XRRA1: variants seen among roughly 807,000 people sequenced by gnomAD.
XRRA1 encodes the protein X-ray radiation resistance-associated protein 1.
In XRRA1, 69 loss-of-function variants were observed where a neutral mutation model predicts 80.2. The observed-to-expected ratio is 0.86, with a 90% CI of 0.71 to 1.05. The LOEUF (loss-of-function observed/expected upper bound fraction) is 1.05. Among genes scored for constraint, XRRA1 ranks in the 50% least tolerant of loss-of-function variants. The pLI is 0.00. For synonymous variants in XRRA1, 348 were observed against 389.9 expected (o/e 0.89, Z 1.27); for missense variants, 967 against 976.4 (o/e 0.99, Z 0.13).
At chr11:74,899,607 T>C (rs1407184507) in intron 10 of XRRA1, among the ~76,000 whole-genome samples, 1 of 152,148 alleles carries the variant, frequency 6.6e-6, no homozygotes, top group African/African-American at 2.4e-5. Flanking sequence ...CAGAGGATCA[T>C]AAGTGGCTAC....
At chr11:74,893,334 C>G (rs2051294134) in intron 10 of XRRA1, among the ~76,000 whole-genome samples, 2 of 145,566 alleles carry the variant, frequency 1.4e-5, no homozygotes. Context: ...CATGTTCTCA[C>G]TCATAGGTGG....
At chr11:74,885,053 C>G (rs2048692409) in intron 10 of XRRA1, among the ~76,000 whole-genome samples, 1 of 152,000 alleles carries the variant, frequency 6.6e-6, no homozygotes, top group Non-Finnish European at 1.5e-5. Flanking sequence ...TTCTTGAGCT[C>G]AGGAGTTTGA....
intron 1 of XRRA1, among the ~76,000 whole-genome samples, chr11:74,948,568 T>C (rs78502001): frequency 6.6e-6 from 1 of 152,170 alleles, no homozygotes. Flanking sequence ...TATATTGGTT[T>C]TGATTTTTTT....
In XRRA1 at chr11:74,846,908, G is replaced by GA. The variant is rs976744311; in HGVS notation, c.1728+1206dup. Among the ~76,000 whole-genome samples the GA allele has an allele frequency of 2.8e-4, 41 of 145,424 alleles. 1 individual carries two copies. In the South Asian group the frequency reaches 8.0e-3, roughly 28 times the overall value. ...GGTTATAGCCAGGACAATTAGGCCA[G>GA]AAAAAAAAAGATTTTTTTTTTTTTT... is the stretch of plus-strand genomic sequence containing the variant. On this transcript the variant is annotated intron_variant, in intron 15 of 18. Transcript: ENST00000684022.
intron 4 of XRRA1, among the ~76,000 whole-genome samples, 169 bp downstream of exon 4, chr11:74,936,715 A>T (rs1565446136): frequency 6.6e-6 from 1 of 152,228 alleles, no homozygotes; most frequent in African/African-American, 2.4e-5. Flanking sequence ...TTTACATGTC[A>T]AGAAACTTTT....
intron 17 of XRRA1, 56 bp downstream of exon 17, chr11:74,844,112 G>C: frequency 6.5e-7 from 1 of 1,535,910 alleles, no homozygotes; most frequent in Non-Finnish European, 9.0e-7. Context: ...AGCCACATCT[G>C]TAATTGTGGG....
At chr11:74,909,556 G>C (rs11236267) in intron 8 of XRRA1, among the ~76,000 whole-genome samples, 1,764 of 152,238 alleles carry the variant, frequency 0.012, 48 homozygotes, top group African/African-American at 0.04. Flanking sequence ...GCATGGGAAA[G>C]TTTCATTTTT....
chr11:74,935,237 T>C (rs949919788), intron 4 of XRRA1, among the ~76,000 whole-genome samples: 2 of 152,216 alleles, frequency 1.3e-5, no homozygotes, highest in African/African-American at 4.8e-5. Flanking sequence ...ATATTCTGTA[T>C]GTGATGACCA....
intron 14 of XRRA1, among the ~76,000 whole-genome samples, 166 bp from the exon 15 acceptor site, chr11:74,848,628 T>C (rs188465271): frequency 1.2e-3 from 185 of 152,302 alleles, no homozygotes; most frequent in African/African-American, 4.4e-3. Context: ...ATGTGCCCCA[T>C]GCATGATGTA....
chr11:74,874,313 C>T (rs534263620), intron 10 of XRRA1, among the ~76,000 whole-genome samples: 1 of 148,598 alleles, frequency 6.7e-6, no homozygotes, highest in South Asian at 2.1e-4. Flanking sequence ...GAACCTGAAG[C>T]TCAAAAGGCC....
At chr11:74,933,689 C>A in intron 5 of XRRA1, 112 bp downstream of exon 5, 2 of 895,268 alleles carry the variant, frequency 2.2e-6, no homozygotes, top group South Asian at 3.2e-5. Flanking sequence ...TTCTTCGTGA[C>A]CAGATTTCCA....
At chr11:74,846,980 A>G (rs995101688) in intron 15 of XRRA1, among the ~76,000 whole-genome samples, 1 of 151,288 alleles carries the variant, frequency 6.6e-6, no homozygotes, top group Non-Finnish European at 1.5e-5. Flanking sequence ...TTTGGCCGCT[A>G]GGAGCTCAGA....
At chr11:74,867,372 TAAGA>T (rs1477841135) in intron 10 of XRRA1, among the ~76,000 whole-genome samples, 2 of 152,112 alleles carry the variant, frequency 1.3e-5, no homozygotes, top group Non-Finnish European at 2.9e-5. Context: ...ATGGCCATGT[TAAGA>T]AAGAAGCAAA....
At position 74,936,896 on chromosome 11, in the gene XRRA1, G is replaced by T. The variant is rs756966538; in HGVS notation, c.267C>A (p.Asp89Glu). Reference sequence around the variant, plus strand: ...CATTTACTCTCACCAGAAAAGCCTGGTCCAGGATATGTCCAGGAAGGTCCA... The same window carrying T: ...CATTTACTCTCACCAGAAAAGCCTGTTCCAGGATATGTCCAGGAAGGTCCA... ...NQVDLPGHIL[D>E]QAFLLKHHCV... is the part of the protein sequence containing the mutation. Residue 89 changes from aspartate (D) to glutamate (E), a missense_variant, in exon 4 of 19, where the codon GAC becomes GAA. Asp to Glu is a conservative substitution (Grantham distance 45). Coordinates refer to ENST00000684022, the MANE Select transcript of XRRA1 (RefSeq NM_001378157.1). The T allele has an allele frequency of 3.7e-6, 6 of 1,613,230 alleles. No individual in the cohort carries two copies. In the African/African-American group the frequency reaches 5.3e-5, roughly 14 times the overall value.
chr11:74,906,204 AG>A, intron 10 of XRRA1, 34 bp downstream of exon 10: 12 of 1,586,632 alleles, frequency 7.6e-6, no homozygotes, highest in Non-Finnish European at 1.0e-5. Flanking sequence ...TTCCACCATG[AG>A]GGTAGAATTT....
At chr11:74,941,983 C>T (rs1163166174) in intron 2 of XRRA1, among the ~76,000 whole-genome samples, 2 of 152,000 alleles carry the variant, frequency 1.3e-5, no homozygotes, top group African/African-American at 4.8e-5. Context: ...CACAGTGGTA[C>T]ATGCCTGTGG....
intron 10 of XRRA1, among the ~76,000 whole-genome samples, chr11:74,868,034 A>G (rs2043866945): frequency 6.7e-6 from 1 of 148,162 alleles, no homozygotes; most frequent in African/African-American, 2.5e-5. Context: ...TGATTCTCAT[A>G]CCTCAGTCTC....
chr11:74,890,612 G>A (rs2137249937), intron 10 of XRRA1, among the ~76,000 whole-genome samples: 1 of 152,282 alleles, frequency 6.6e-6, no homozygotes, highest in South Asian at 2.1e-4. Flanking sequence ...ATGAATCCAG[G>A]AGCTGGTGTT....
chr11:74,882,833 G>A lies in XRRA1; in HGVS notation c.1004-19812C>T, dbSNP rs1386696959. 2.0e-5 allele frequency among the ~76,000 whole-genome samples: 3 copies of A among 152,340 alleles called. No homozygotes were observed. The East Asian group carries it at 5.8e-4, about 29-fold the overall frequency. ...CCAGTTAGGCTGCTTGGGGGTCAGG[G>A]GTCAGGGACCCACTTGAGGAGGCAG... On this transcript the variant is annotated intron_variant, in intron 10 of 18. Transcript: ENST00000684022.
Sources: allele counts gnomAD v4.1 joint callset (sites outside exome capture counted in the v4.1 genomes callset), GRCh38; gene constraint gnomAD v4.1.1; transcripts MANE v1.5; gene names NCBI Gene and HGNC (gene_info 2026-07-23, HGNC 2026-07-21).